P2RX5: variants seen among roughly 807,000 people sequenced by gnomAD.
The protein encoded by P2RX5 is purinergic receptor P2X 5, also known as P2X purinoceptor 5.
P2RX5 carries 46 observed loss-of-function variants against 54.1 expected under a neutral mutation model. The observed-to-expected ratio is 0.85, with a 90% CI of 0.67 to 1.09. P2RX5 has a LOEUF of 1.09. Ranked by LOEUF, P2RX5 falls within the 50% of genes least tolerant of loss-of-function variation. The pLI is 0.00. For synonymous variants in P2RX5, 226 were observed against 226.4 expected (o/e 1.00, Z 0.02); for missense variants, 566 against 549.8 (o/e 1.03, Z -0.29).
At chr17:3,693,283 C>T (rs190136675) in intron 1 of P2RX5, among the ~76,000 whole-genome samples, 1 of 152,248 alleles carries the variant, frequency 6.6e-6, no homozygotes, top group East Asian at 1.9e-4. Flanking sequence ...TTTTTAAAAA[C>T]CCTACAGATA....
intron 10 of P2RX5, among the ~76,000 whole-genome samples, chr17:3,680,536 A>ATCCTCCACCCTGCATCCTCCACCCT (rs2050235745): frequency 2.3e-5 from 1 of 43,360 alleles, no homozygotes; most frequent in Non-Finnish European, 4.3e-5. Context: ...TCCTCCACCC[A>ATCCTCCACCCTGCATCCTCCACCCT]GCGTCCTCCA....
At chr17:3,694,014 C>G (rs75738018) in intron 1 of P2RX5, among the ~76,000 whole-genome samples, 23 of 151,830 alleles carry the variant, frequency 1.5e-4, no homozygotes, top group Non-Finnish European at 3.4e-4. Context: ...ATCCAGCCAC[C>G]GCGGTCTCCT....
chr17:3,695,732 C>G (rs1472131651), intron 1 of P2RX5, 137 bp downstream of exon 1: 1 of 1,027,956 alleles, frequency 9.7e-7, no homozygotes, highest in Non-Finnish European at 1.5e-6. Flanking sequence ...ACCCCCACAG[C>G]AAGCAGGCTC....
chr17:3,680,511 A>G (rs373297158), intron 10 of P2RX5, among the ~76,000 whole-genome samples: 11 of 74,742 alleles, frequency 1.5e-4, no homozygotes, highest in East Asian at 5.6e-4. Flanking sequence ...TCCACCCTGC[A>G]TCCTCCACCC....
the P2RX5 span, among the ~76,000 whole-genome samples, chr17:3,716,398 T>C: frequency 6.6e-6 from 1 of 152,186 alleles, no homozygotes; most frequent in Non-Finnish European, 1.5e-5. Flanking sequence ...CAGGCCCTAT[T>C]GAACTCACAG....
chr17:3,722,540 C>G, the P2RX5 span: 5 of 151,480 alleles, frequency 3.3e-5, no homozygotes, highest in Admixed American at 3.3e-4. Flanking sequence ...AAACCACCTA[C>G]GTCAGGACCT....
At chr17:3,690,178 C>T (rs1262726787) in intron 5 of P2RX5, 28 bp from the exon 6 acceptor site, 3 of 1,597,324 alleles carry the variant, frequency 1.9e-6, no homozygotes, top group Non-Finnish European at 2.6e-6. Flanking sequence ...ACAGCCTGTC[C>T]AGGAGGCCCC....
chr17:3,677,246 C>T, intron 11 of P2RX5: 1 of 985,354 alleles, frequency 1.0e-6, no homozygotes, highest in Non-Finnish European at 1.2e-6. Flanking sequence ...ATTAGCACTT[C>T]AGGCCCAGCC....
chr17:3,688,777 G>T lies in P2RX5; in HGVS notation c.754-18C>A, dbSNP rs200387948. 2 of 1,613,718 alleles carry T rather than the reference G, an allele frequency of 1.2e-6. No individual in the cohort carries two copies. Among genetic ancestry groups the T allele is most frequent in the Non-Finnish European group, 1.7e-6 (2 of 1,179,798 alleles). On this transcript the variant is annotated intron_variant, in intron 7 of 11. Transcript: ENST00000225328. ...ACGCCACCCTTGATAAAAGAGAGAT[G>T]AGGGTCAGCACACACAGCTTTCCGG... is the stretch of plus-strand genomic sequence containing the variant.
At position 3,677,097 on chromosome 17, in the gene P2RX5, C is replaced by T. The variant is rs1014674239; in HGVS notation, c.1259+2493G>A. 1.0e-5 allele frequency: 10 copies of T among 985,168 alleles called. No individual in the cohort carries two copies. In the South Asian group the frequency reaches 1.4e-4, roughly 14 times the overall value. The allele number at this position is 985,168 out of a possible 1,614,324, so 61.0% of individuals were successfully genotyped here. On this transcript the variant is annotated intron_variant, in intron 11 of 11. Coordinates refer to ENST00000225328, the MANE Select transcript of P2RX5 (RefSeq NM_002561.4). Reference sequence around the variant, plus strand: ...ATAAATAAAAAGCAAGGCCCTACAGCGATGGAGGCAGAGAGCAGCTGAGGG... The same window carrying T: ...ATAAATAAAAAGCAAGGCCCTACAGTGATGGAGGCAGAGAGCAGCTGAGGG...
chr17:3,677,687 T>C (rs1344333644), intron 11 of P2RX5: 1 of 985,100 alleles, frequency 1.0e-6, no homozygotes, highest in Non-Finnish European at 1.2e-6. Flanking sequence ...CTCCCTGAGG[T>C]TAGGTCAGCA....
At chr17:3,723,077 A>G in the P2RX5 span, among the ~76,000 whole-genome samples, 2 of 152,248 alleles carry the variant, frequency 1.3e-5, no homozygotes, top group African/African-American at 2.4e-5. Flanking sequence ...GAGGAGTCAC[A>G]GGTAATCCCT....
At chr17:3,712,563 A>T in the P2RX5 span, among the ~76,000 whole-genome samples, 2 of 152,380 alleles carry the variant, frequency 1.3e-5, no homozygotes, top group South Asian at 4.1e-4. Flanking sequence ...CCAAAAGTAG[A>T]AATATCAGAA....
chr17:3,675,525 C>G, intron 11 of P2RX5: 1 of 984,982 alleles, frequency 1.0e-6, no homozygotes, highest in Non-Finnish European at 1.2e-6. Context: ...GAAGAAGTGA[C>G]ACACCTAAGT....
At chr17:3,706,652 G>A in the P2RX5 span, among the ~76,000 whole-genome samples, 1 of 152,108 alleles carries the variant, frequency 6.6e-6, no homozygotes, top group Non-Finnish European at 1.5e-5. Flanking sequence ...GAGCCTTCGG[G>A]GGTCGGAGCA....
upstream of P2RX5, among the ~76,000 whole-genome samples, chr17:3,699,868 A>G (rs1311365238): frequency 3.1e-5 from 1 of 32,766 alleles, no homozygotes; most frequent in Non-Finnish European, 1.4e-4. Context: ...AAAGAAAGAA[A>G]GAAAGAAAGG....
intron 11 of P2RX5, chr17:3,678,186 C>T: frequency 2.4e-6 from 2 of 843,816 alleles, no homozygotes; most frequent in Non-Finnish European, 2.9e-6. Context: ...CTGTCGGGAG[C>T]CGGTGGGTGG....
the P2RX5 span, among the ~76,000 whole-genome samples, chr17:3,705,758 C>G: frequency 6.6e-6 from 1 of 152,096 alleles, no homozygotes; most frequent in Non-Finnish European, 1.5e-5. Context: ...GGTAGAGTGA[C>G]TAAGTGACTT....
rs776511611 is a variant in P2RX5, at chr17:3,681,857, G to T, written c.1064+39C>A. On this transcript the variant is annotated intron_variant, in intron 10 of 11. Transcript: ENST00000225328. ...CTCGAAGCCACGGGGGTGCTCCACAGGGCTGCCCTCGGGCCGCCGGCCTGG... is the reference window on the plus strand; with the variant it reads ...CTCGAAGCCACGGGGGTGCTCCACATGGCTGCCCTCGGGCCGCCGGCCTGG... 27 of 1,398,032 alleles carry T rather than the reference G, an allele frequency of 1.9e-5. No homozygotes were observed. The South Asian group carries it at 2.8e-4, about 14-fold the overall frequency. The allele number at this position is 1,398,032 out of a possible 1,614,324, so 86.6% of individuals were successfully genotyped here. A position where few individuals can be genotyped will look rare whatever the true frequency, so the allele number is the denominator to read the frequency against.
Sources: gnomAD v4.1 joint callset for allele counts (sites outside exome capture counted in the v4.1 genomes callset) on GRCh38, gnomAD v4.1.1 for gene constraint, MANE v1.5 for transcripts, NCBI Gene and HGNC (gene_info 2026-07-23, HGNC 2026-07-21) for gene names.